PPP3CA: variants seen among roughly 807,000 people sequenced by gnomAD.
PPP3CA encodes CAM-PRP catalytic subunit.
Under a neutral mutation model 66.5 loss-of-function variants are expected in PPP3CA, and 14 were observed. The ratio of observed to expected loss-of-function variants is 0.21; its 90% CI spans 0.14 to 0.33. PPP3CA has a LOEUF of 0.33. Among genes scored for constraint, PPP3CA ranks in the 10% least tolerant of loss-of-function variants. The pLI, the probability that PPP3CA is intolerant of heterozygous loss-of-function variation, is 1.00. For synonymous variants in PPP3CA, 232 were observed against 226.2 expected (o/e 1.03, Z -0.23); for missense variants, 317 against 639.5 (o/e 0.50, Z 5.44).
At chr4:101,133,383 T>C (rs1722513114) in intron 2 of PPP3CA, among the ~76,000 whole-genome samples, 1 of 152,224 alleles carries the variant, frequency 6.6e-6, no homozygotes, top group African/African-American at 2.4e-5. Context: ...CTTAAGCTGA[T>C]AAGCAACTTC....
At chr4:101,095,676 G>A (rs1730163683) in intron 5 of PPP3CA, among the ~76,000 whole-genome samples, 1 of 152,126 alleles carries the variant, frequency 6.6e-6, no homozygotes, top group South Asian at 2.1e-4. Flanking sequence ...TTTTGAGACG[G>A]AGTCTCCCTG....
chr4:101,309,022 G>A (rs376465619), intron 1 of PPP3CA, among the ~76,000 whole-genome samples: 13 of 152,084 alleles, frequency 8.5e-5, no homozygotes, highest in African/African-American at 2.7e-4. Flanking sequence ...AGCTACTTGC[G>A]AGGCTGAGGC....
At chr4:101,106,468 A>AGAAAGAAAGAAAGAGAAG in intron 3 of PPP3CA, among the ~76,000 whole-genome samples, 1 of 46,134 alleles carries the variant, frequency 2.2e-5, no homozygotes, top group Admixed American at 1.7e-4. Flanking sequence ...AAGAAAAGAA[A>AGAAAGAAAGAAAGAGAAG]AGAAAAGAAA....
chr4:101,346,690 G>A (rs1210252335), intron 1 of PPP3CA, 49 bp downstream of exon 1: 1 of 1,545,630 alleles, frequency 6.5e-7, no homozygotes, highest in Non-Finnish European at 8.9e-7. Context: ...AAGCTGCCCT[G>A]GCGCCTGCGG....
At chr4:101,315,377 T>C (rs1175918392) in intron 1 of PPP3CA, among the ~76,000 whole-genome samples, 2 of 152,170 alleles carry the variant, frequency 1.3e-5, no homozygotes, top group Non-Finnish European at 2.9e-5. Context: ...ACCCCAGTTT[T>C]ATAAAAAAGT....
chr4:101,233,179 T>C (rs1726019494), intron 1 of PPP3CA, among the ~76,000 whole-genome samples: 1 of 151,818 alleles, frequency 6.6e-6, no homozygotes, highest in Non-Finnish European at 1.5e-5. Context: ...ATACAAAGAA[T>C]AGCTGTCTAG....
rs1227730298 is a variant in PPP3CA at position 101,124,663 on chromosome 4, C to CAGAAAGAAAGAAAGAAAGAA, written c.260-15605_260-15586dup. Among the ~76,000 whole-genome samples, 27 of 55,236 alleles carry CAGAAAGAAAGAAAGAAAGAA rather than the reference C, an allele frequency of 4.9e-4. 1 individual carries two copies. Among genetic ancestry groups the CAGAAAGAAAGAAAGAAAGAA allele is most frequent in the South Asian group, 1.5e-3 (2 of 1,352 alleles). 36.2% of individuals were successfully genotyped at this position (55,236 alleles called of 152,430 possible). ...AGAAAGAAAGAGAGGGAGAGAGAGA[C>CAGAAAGAAAGAAAGAAAGAA]AGAAAGAAAGAAAGAAAGAAAGAAA... On this transcript the variant is annotated intron_variant, in intron 2 of 13. Transcript: ENST00000394854.
At chr4:101,342,069 C>A (rs73835940) in intron 1 of PPP3CA, among the ~76,000 whole-genome samples, 16,144 of 152,002 alleles carry the variant, frequency 0.11, 2,908 homozygotes, top group African/African-American at 0.37. Flanking sequence ...AATGAATGGT[C>A]TATCAAAATT....
intron 2 of PPP3CA, among the ~76,000 whole-genome samples, chr4:101,153,738 G>C (rs1297938867): frequency 6.6e-6 from 1 of 152,084 alleles, no homozygotes; most frequent in Non-Finnish European, 1.5e-5. Flanking sequence ...TAGCAAAAAG[G>C]AATTTTATGA....
At chr4:101,224,359 C>A (rs1725716567) in intron 1 of PPP3CA, among the ~76,000 whole-genome samples, 1 of 151,942 alleles carries the variant, frequency 6.6e-6, no homozygotes, top group East Asian at 2.0e-4. Context: ...CCCTACTCCT[C>A]CTTTCCAATC....
chr4:101,156,830 G>A (rs1030259075), intron 2 of PPP3CA, among the ~76,000 whole-genome samples: 8 of 152,172 alleles, frequency 5.3e-5, no homozygotes, highest in Admixed American at 5.2e-4. Flanking sequence ...CCTTTAAATC[G>A]ATTTCTAAAA....
chr4:101,344,310 T>C (rs1050943184), intron 1 of PPP3CA, among the ~76,000 whole-genome samples: 2 of 152,170 alleles, frequency 1.3e-5, no homozygotes, highest in Non-Finnish European at 2.9e-5. Flanking sequence ...ATAATCAAAA[T>C]AGATTATCTC....
chr4:101,159,269 G>A (rs939334270), intron 2 of PPP3CA, among the ~76,000 whole-genome samples: 4 of 152,132 alleles, frequency 2.6e-5, no homozygotes, highest in Non-Finnish European at 4.4e-5. Context: ...GTGATTCAGA[G>A]GCCAGTGCTA....
intron 1 of PPP3CA, among the ~76,000 whole-genome samples, chr4:101,233,060 A>C (rs1726013499): frequency 6.6e-6 from 1 of 151,828 alleles, no homozygotes; most frequent in Admixed American, 6.6e-5. Flanking sequence ...AACCATTTTC[A>C]AAGGAAAAGC....
intron 2 of PPP3CA, among the ~76,000 whole-genome samples, chr4:101,113,708 G>A (rs367684809): frequency 6.6e-6 from 1 of 152,072 alleles, no homozygotes; most frequent in Non-Finnish European, 1.5e-5. Context: ...GTATCCAGGA[G>A]ATACCCAAAA....
chr4:101,142,531 T>C (rs1232245251), intron 2 of PPP3CA, among the ~76,000 whole-genome samples: 1 of 152,112 alleles, frequency 6.6e-6, no homozygotes, highest in Non-Finnish European at 1.5e-5. Context: ...CCTACATGCA[T>C]AACCTCCTTT....
At chr4:101,160,735 T>C (rs1378450481) in intron 2 of PPP3CA, among the ~76,000 whole-genome samples, 2 of 152,124 alleles carry the variant, frequency 1.3e-5, no homozygotes, top group South Asian at 2.1e-4. Flanking sequence ...AGTATAACTA[T>C]TCTTTAAAAA....
intron 6 of PPP3CA, among the ~76,000 whole-genome samples, chr4:101,091,895 G>A (rs955381557): frequency 4.1e-5 from 5 of 122,628 alleles, no homozygotes; most frequent in Non-Finnish European, 9.3e-5. Flanking sequence ...GGAGGAAGGA[G>A]GAGAAGAGGA....
At position 101,029,347 on chromosome 4, in the gene PPP3CA, TAAAAA is replaced by T. The variant is rs34620032; in HGVS notation, c.1340-157_1340-153del. Reference sequence around the variant, plus strand: ...GGCACAGACAACAAAACAGAAATGCTAAAAAAAAAAAAAAAAAAAAAAAAAGAAAA... The same window carrying T: ...GGCACAGACAACAAAACAGAAATGCTAAAAAAAAAAAAAAAAAAAAGAAAA... On this transcript the variant is annotated intron_variant, in intron 12 of 13. Transcript: ENST00000394854. 118 of 79,450 alleles carry T rather than the reference TAAAAA, an allele frequency of 1.5e-3. 1 individual carries two copies. Among genetic ancestry groups the T allele is most frequent in the Non-Finnish European group, 2.0e-3 (96 of 47,818 alleles). 4.9% of individuals were successfully genotyped at this position (79,450 alleles called of 1,614,324 possible). A position where few individuals can be genotyped will look rare whatever the true frequency, so the allele number is the denominator to read the frequency against.
Sources: allele counts gnomAD v4.1 joint callset (sites outside exome capture counted in the v4.1 genomes callset), GRCh38; gene constraint gnomAD v4.1.1; transcripts MANE v1.5; gene names NCBI Gene and HGNC (gene_info 2026-07-23, HGNC 2026-07-21).